AGBL3: variants seen among roughly 807,000 people sequenced by gnomAD.
The protein encoded by AGBL3 is AGBL carboxypeptidase 3, also known as cytosolic carboxypeptidase 3.
AGBL3 carries 68 observed loss-of-function variants against 94.5 expected under a neutral mutation model. That is an observed-to-expected ratio of 0.72 (90% CI 0.59 to 0.88). The LOEUF is 0.88. AGBL3 is among the 40% of genes least tolerant of loss of function. AGBL3 has a pLI of 0.00. For synonymous variants in AGBL3, 354 were observed against 370.7 expected, an observed-to-expected ratio of 0.95 and a Z score of 0.52; for missense variants, 934 against 1,103.8, an observed-to-expected ratio of 0.85 and a Z score of 2.18.
At chr7:135,099,220 G>A (rs987385949) in intron 15 of AGBL3, among the ~76,000 whole-genome samples, 5 of 152,114 alleles carry the variant, frequency 3.3e-5, no homozygotes, top group African/African-American at 1.2e-4. Flanking sequence ...TAGTGTACCT[G>A]TCACTGTCTT....
At position 135,045,524 on chromosome 7, in the gene AGBL3, T is replaced by A; in HGVS notation, c.1678T>A (p.Tyr560Asn). The A allele has an allele frequency of 6.4e-7, 1 of 1,551,232 alleles. No individual in the cohort carries two copies. Among genetic ancestry groups the A allele is most frequent in the South Asian group, 1.2e-5 (1 of 84,052 alleles). The change falls in exon 10 of 17, where the codon TAT (tyrosine) becomes AAT (asparagine). Residue 560 changes from tyrosine (Y) to asparagine (N), a missense_variant. Tyr to Asn is a moderately radical substitution (Grantham distance 143, BLOSUM62 -2). Around this residue, in one of 3 missense-constraint regions of AGBL3, gnomAD observed 441 missense variants for 518.2 expected, o/e 0.85. Coordinates refer to ENST00000436302, the MANE Select transcript of AGBL3 (RefSeq NM_178563.4). ...FSTKDLESMG[Y>N]HFCDSLLDYC... ...CACGAAAGACCTGGAATCAATGGGA[T>A]ATCATTTTTGTGATTCTCTCTTGGA... is the stretch of plus-strand genomic sequence containing the variant.
intron 15 of AGBL3, among the ~76,000 whole-genome samples, chr7:135,089,324 C>T (rs1585046214): frequency 6.6e-6 from 1 of 152,264 alleles, no homozygotes; most frequent in Admixed American, 6.5e-5. Context: ...CTCAATTTCT[C>T]ATTGAATTCT....
intron 12 of AGBL3, among the ~76,000 whole-genome samples, chr7:135,074,819 A>C (rs1347368754): frequency 6.6e-6 from 1 of 152,152 alleles, no homozygotes; most frequent in African/African-American, 2.4e-5. Context: ...AAAAAGAACA[A>C]GTTTGTATTC....
chr7:135,128,512 T>C, intron 16 of AGBL3: 1 of 760,060 alleles, frequency 1.3e-6, no homozygotes, highest in Non-Finnish European at 2.5e-6. Context: ...TGGAGATGAA[T>C]TTAGAAAAGC....
At chr7:135,113,338 C>T (rs1825896107) in intron 15 of AGBL3, among the ~76,000 whole-genome samples, 1 of 152,102 alleles carries the variant, frequency 6.6e-6, no homozygotes, top group South Asian at 2.1e-4. Context: ...ACCCATCACC[C>T]ATCCTCATCA....
At chr7:135,126,243 C>T (rs1827847234) in intron 16 of AGBL3, among the ~76,000 whole-genome samples, 1 of 152,146 alleles carries the variant, frequency 6.6e-6, no homozygotes, top group Non-Finnish European at 1.5e-5. Context: ...TTCCTTTACA[C>T]CAACATAGAT....
intron 15 of AGBL3, chr7:135,094,661 G>GC: frequency 2.6e-6 from 1 of 378,286 alleles, no homozygotes. Flanking sequence ...CTCTCTTAGG[G>GC]TGTTAACTCT....
chr7:135,125,967 C>T (rs1345209056), intron 16 of AGBL3, among the ~76,000 whole-genome samples: 1 of 152,084 alleles, frequency 6.6e-6, no homozygotes, highest in East Asian at 1.9e-4. Context: ...GGACACATTC[C>T]CTTTGAAAAC....
intron 12 of AGBL3, among the ~76,000 whole-genome samples, chr7:135,065,267 C>G (rs1317051944): frequency 6.6e-6 from 1 of 152,206 alleles, no homozygotes. Context: ...ACCCAAAGCT[C>G]TCTACAAATT....
chr7:135,025,600 C>G (rs1815000959), intron 5 of AGBL3, among the ~76,000 whole-genome samples: 1 of 151,498 alleles, frequency 6.6e-6, no homozygotes, highest in Non-Finnish European at 1.5e-5. Flanking sequence ...AATACCAACA[C>G]TGAATGTAAA....
intron 12 of AGBL3, among the ~76,000 whole-genome samples, chr7:135,072,525 C>A (rs914752880): frequency 1.8e-4 from 27 of 152,140 alleles, no homozygotes; most frequent in African/African-American, 6.3e-4. Context: ...AAATGTCCAA[C>A]AATGATAGAC....
intron 16 of AGBL3, among the ~76,000 whole-genome samples, chr7:135,117,582 T>A (rs1005710605): frequency 1.3e-5 from 2 of 152,116 alleles, no homozygotes; most frequent in Admixed American, 6.6e-5. Context: ...GTTGAGACAG[T>A]CAAACAAATG....
chr7:135,059,745 G>C (rs533052085), intron 12 of AGBL3, among the ~76,000 whole-genome samples: 1 of 152,256 alleles, frequency 6.6e-6, no homozygotes, highest in Non-Finnish European at 1.5e-5. Context: ...AAGCAGGAGC[G>C]GGAATAAAGA....
intron 3 of AGBL3, 124 bp downstream of exon 3, chr7:134,989,434 G>T (rs1051988521): frequency 1.5e-6 from 1 of 666,848 alleles, no homozygotes; most frequent in South Asian, 2.3e-5. Flanking sequence ...GATTGTGAAA[G>T]AGAACTGTAT....
At chr7:135,009,125 G>A (rs181975458) in intron 4 of AGBL3, among the ~76,000 whole-genome samples, 318 of 152,284 alleles carry the variant, frequency 2.1e-3, no homozygotes, top group Non-Finnish European at 3.2e-3. Context: ...CCACTTGTAG[G>A]TATGTACCCA....
At chr7:135,116,860 AGTACAGGCTATTGTT>A (rs1430063593) in intron 16 of AGBL3, among the ~76,000 whole-genome samples, 3 of 152,140 alleles carry the variant, frequency 2.0e-5, no homozygotes, top group African/African-American at 7.2e-5. Flanking sequence ...TTTTCTACAC[AGTACAGGCTATTGTT>A]GAGAGCTTTT....
chr7:135,065,787 G>C (rs1461199858), intron 12 of AGBL3, among the ~76,000 whole-genome samples: 1 of 152,158 alleles, frequency 6.6e-6, no homozygotes, highest in Non-Finnish European at 1.5e-5. Context: ...AGCTTCTCAG[G>C]AGGCTGAGGT....
chr7:135,070,635 T>C (rs1019817006), intron 12 of AGBL3, among the ~76,000 whole-genome samples: 2 of 152,102 alleles, frequency 1.3e-5, no homozygotes, highest in Non-Finnish European at 2.9e-5. Context: ...CATATGATTA[T>C]CTCAATAGAT....
intron 11 of AGBL3, chr7:135,050,950 T>C: frequency 2.6e-6 from 1 of 386,866 alleles, no homozygotes; most frequent in South Asian, 1.9e-5. Context: ...ATTTTGTTGT[T>C]TTCTATTAGT....
Sources: allele counts gnomAD v4.1 joint callset (sites outside exome capture counted in the v4.1 genomes callset), GRCh38; gene constraint gnomAD v4.1.1; regional missense constraint gnomAD v4.1.1; transcripts MANE v1.5; gene names NCBI Gene and HGNC (gene_info 2026-07-23, HGNC 2026-07-21).